Variants in ANKRD31 observed in about 807,000 individuals in gnomAD.
ANKRD31 encodes ankyrin repeat domain 31, also known as ankyrin repeat domain-containing protein 31.
ANKRD31 carries 147 observed loss-of-function variants against 186.0 expected under a neutral mutation model. The observed-to-expected ratio is 0.79, with a 90% confidence interval of 0.69 to 0.91. ANKRD31 has a LOEUF of 0.91. Ranked by LOEUF, ANKRD31 falls within the 40% of genes least tolerant of loss-of-function variation. ANKRD31 has a pLI of 0.00. For missense variants in ANKRD31, 1,986 were observed against 2,148.8 expected (o/e 0.92, Z 1.50); for synonymous variants, 673 against 736.4 (o/e 0.91, Z 1.39).
At chr5:75,177,928 C>G (rs1014363386) in intron 10 of ANKRD31, among the ~76,000 whole-genome samples, 1 of 152,042 alleles carries the variant, frequency 6.6e-6, no homozygotes, top group East Asian at 1.9e-4. Flanking sequence ...AATTAAAAGG[C>G]GCAGACTGGC....
intron 22 of ANKRD31, among the ~76,000 whole-genome samples, chr5:75,095,276 T>C (rs1746227759): frequency 6.6e-6 from 1 of 151,920 alleles, no homozygotes. Context: ...AAGACCATCC[T>C]GGCTAACACA....
chr5:75,086,099 C>T (rs1254128359), intron 23 of ANKRD31, among the ~76,000 whole-genome samples: 1 of 152,090 alleles, frequency 6.6e-6, no homozygotes, highest in African/African-American at 2.4e-5. Context: ...TGTGTTATGC[C>T]CTGACAATGT....
intron 10 of ANKRD31, among the ~76,000 whole-genome samples, chr5:75,182,622 G>C (rs1754399912): frequency 2.0e-5 from 3 of 151,852 alleles, no homozygotes; most frequent in African/African-American, 4.8e-5. Context: ...GGGAGGCTGA[G>C]GCAGGAGAAT....
At chr5:75,217,457 C>A (rs544354051) in intron 3 of ANKRD31, among the ~76,000 whole-genome samples, 1 of 152,106 alleles carries the variant, frequency 6.6e-6, no homozygotes, top group Admixed American at 6.6e-5. Flanking sequence ...TGAATGGAAC[C>A]CTTTACCATT....
intron 24 of ANKRD31, among the ~76,000 whole-genome samples, chr5:75,083,157 T>C (rs974121372): frequency 6.6e-6 from 1 of 152,210 alleles, no homozygotes; most frequent in Admixed American, 6.5e-5. Context: ...TGAAGGTAAT[T>C]TGATCCAATC....
intron 22 of ANKRD31, among the ~76,000 whole-genome samples, chr5:75,099,031 A>C (rs1746576851): frequency 6.6e-6 from 1 of 152,168 alleles, no homozygotes; most frequent in Admixed American, 6.5e-5. Context: ...GAATGCTTCC[A>C]GTTTTTGCCC....
At chr5:75,210,046 G>A (rs1328934465) in intron 4 of ANKRD31, among the ~76,000 whole-genome samples, 1 of 152,190 alleles carries the variant, frequency 6.6e-6, no homozygotes, top group Non-Finnish European at 1.5e-5. Flanking sequence ...TGACCTCACA[G>A]ACCCTCTAAA....
chr5:75,177,145 G>C (rs532079211), intron 10 of ANKRD31, among the ~76,000 whole-genome samples: 1 of 152,228 alleles, frequency 6.6e-6, no homozygotes, highest in Admixed American at 6.5e-5. Flanking sequence ...GATGGAAGAC[G>C]AAATGAATGA....
At chr5:75,092,591 T>C (rs1281608658) in intron 22 of ANKRD31, among the ~76,000 whole-genome samples, 1 of 152,130 alleles carries the variant, frequency 6.6e-6, no homozygotes, top group Non-Finnish European at 1.5e-5. Context: ...ATCTAGCCAG[T>C]AATTAAACAA....
chr5:75,077,748 AC>A (rs1316600830), intron 25 of ANKRD31, among the ~76,000 whole-genome samples: 1 of 152,060 alleles, frequency 6.6e-6, no homozygotes, highest in Admixed American at 6.5e-5. Context: ...ACACAGTGAA[AC>A]CCCGTCTCTA....
chr5:75,117,586 G>T (rs1276665503), intron 18 of ANKRD31, among the ~76,000 whole-genome samples: 1 of 152,038 alleles, frequency 6.6e-6, no homozygotes, highest in Non-Finnish European at 1.5e-5. Flanking sequence ...CTCATGGTGA[G>T]AATATAGATA....
rs534601130 is a variant in ANKRD31, at chr5:75,097,041, T to G, written c.5332-5640A>C. Among the ~76,000 whole-genome samples, 10 of 152,346 alleles carry G rather than the reference T, an allele frequency of 6.6e-5. No individual in the cohort carries two copies. The South Asian group carries it at 1.7e-3, about 25-fold the overall frequency. ...TCCATGGTATATATGTGCCATATTTTCTTAATCCAGTCTATCATTGATGGA... is the reference window on the plus strand; with the variant it reads ...TCCATGGTATATATGTGCCATATTTGCTTAATCCAGTCTATCATTGATGGA... On this transcript the variant is annotated intron_variant, in intron 22 of 25. Transcript: ENST00000506364.
intron 17 of ANKRD31, among the ~76,000 whole-genome samples, chr5:75,127,061 T>C (rs1340284783): frequency 6.6e-6 from 1 of 151,942 alleles, no homozygotes; most frequent in African/African-American, 2.4e-5. Context: ...GGTGTGTGCC[T>C]GTGGTCCCAG....
chr5:75,178,921 C>G (rs1437836809), intron 10 of ANKRD31, among the ~76,000 whole-genome samples: 2 of 152,088 alleles, frequency 1.3e-5, no homozygotes, highest in African/African-American at 4.8e-5. Context: ...ACAAAAAACG[C>G]TTCAAAAATT....
At chr5:75,205,117 C>T (rs1238287026) in intron 5 of ANKRD31, among the ~76,000 whole-genome samples, 1 of 152,210 alleles carries the variant, frequency 6.6e-6, no homozygotes, top group Non-Finnish European at 1.5e-5. Flanking sequence ...CACCCTGGCT[C>T]AGCCTCCCAA....
In ANKRD31 at chr5:75,199,609, A is replaced by G. The variant is rs564336212; in HGVS notation, c.447+22T>C. On this transcript the variant is annotated intron_variant, in intron 6 of 25. Coordinates refer to ENST00000506364, the MANE Select transcript of ANKRD31 (RefSeq NM_001372053.1). ...ATCTAAACTCACAGTCTACATAGTT[A>G]ATTTCTGTTATACAGACCAACCTTT... is the stretch of plus-strand genomic sequence containing the variant. 1.3e-5 allele frequency: 19 copies of G among 1,508,514 alleles called. 2 individuals are homozygous for G. In the South Asian group the frequency reaches 2.2e-4, roughly 18 times the overall value. 93.4% of individuals were successfully genotyped at this position (1,508,514 alleles called of 1,614,324 possible). A position where few individuals can be genotyped will look rare whatever the true frequency, so the allele number is the denominator to read the frequency against.
intron 4 of ANKRD31, among the ~76,000 whole-genome samples, chr5:75,209,676 C>CA (rs558082564): frequency 2.0e-4 from 30 of 150,596 alleles, no homozygotes; most frequent in Non-Finnish European, 3.3e-4. Context: ...GACTATGGTT[C>CA]AAAAAAAAAG....
At chr5:75,108,552 T>G (rs1003997037) in intron 20 of ANKRD31, among the ~76,000 whole-genome samples, 4 of 152,152 alleles carry the variant, frequency 2.6e-5, no homozygotes, top group African/African-American at 9.7e-5. Flanking sequence ...TTTTTCCTAA[T>G]TTTTTGGACC....
rs1751481544 is a variant in ANKRD31, at chr5:75,146,903, A to T, written c.2508T>A (p.Ser836=). The T allele has an allele frequency of 6.5e-7, 1 of 1,536,324 alleles. No homozygotes were observed. Among genetic ancestry groups the T allele is most frequent in the African/African-American group, 1.4e-5 (1 of 72,998 alleles). Residue 836 remains serine (S), a synonymous_variant, in exon 14 of 26, where the codon TCT becomes TCA. Coordinates refer to ENST00000506364, the MANE Select transcript of ANKRD31 (RefSeq NM_001372053.1). ...CTTTATGTAATAAAAGCCCTGGGAA[A>T]GAAACAGCTTCAGTTTGGTCAACAG... is the stretch of plus-strand genomic sequence containing the variant. ...LESVDQTEAV[S]FPGLLLHKEI...
Sources: gnomAD v4.1 joint callset for allele counts (sites outside exome capture counted in the v4.1 genomes callset) on GRCh38, gnomAD v4.1.1 for gene constraint, MANE v1.5 for transcripts, NCBI Gene and HGNC (gene_info 2026-07-23, HGNC 2026-07-21) for gene names.